KIAA1217: variants seen among roughly 807,000 people sequenced by gnomAD.
KIAA1217 encodes the protein KIAA1217, also known as sickle tail protein homolog.
A neutral mutation model predicts 163.9 loss-of-function variants in KIAA1217; 88 were observed. That is an observed-to-expected ratio of 0.54 (90% confidence interval 0.45 to 0.64). KIAA1217 has a LOEUF of 0.64. Ranked by LOEUF, KIAA1217 falls within the 30% of genes least tolerant of loss-of-function variation. KIAA1217 has a pLI of 0.00. For missense variants in KIAA1217, 2,372 were observed against 2,475.0 expected (o/e 0.96, Z 0.88); for synonymous variants, 903 against 923.1 (o/e 0.98, Z 0.39).
chr10:24,282,282 G>A (rs1236350917), intron 2 of KIAA1217, among the ~76,000 whole-genome samples: 10 of 151,932 alleles, frequency 6.6e-5, no homozygotes, highest in Admixed American at 6.6e-4. Context: ...ACGAGGCTGA[G>A]GAGTCTTTTT....
chr10:23,727,399 A>C (rs1030672229), intron 1 of KIAA1217, among the ~76,000 whole-genome samples: 1 of 152,006 alleles, frequency 6.6e-6, no homozygotes, highest in Non-Finnish European at 1.5e-5. Flanking sequence ...GTCTCTACTA[A>C]AAATACAAAA....
intron 2 of KIAA1217, among the ~76,000 whole-genome samples, chr10:24,008,288 C>A (rs145258584): frequency 6.6e-6 from 1 of 152,080 alleles, no homozygotes; most frequent in African/African-American, 2.4e-5. Flanking sequence ...TCAGCCACAT[C>A]ACAGAGGGAT....
intron 3 of KIAA1217, among the ~76,000 whole-genome samples, chr10:24,389,011 T>A (rs549943699): frequency 2.0e-5 from 3 of 152,114 alleles, no homozygotes; most frequent in Non-Finnish European, 2.9e-5. Context: ...TCCTCAAGGA[T>A]CTAGAACTAG....
intron 1 of KIAA1217, among the ~76,000 whole-genome samples, chr10:23,830,462 C>A (rs1838126411): frequency 6.6e-6 from 1 of 152,074 alleles, no homozygotes; most frequent in African/African-American, 2.4e-5. Flanking sequence ...TTGGCCGTTG[C>A]TGTGATAAAC....
intron 1 of KIAA1217, among the ~76,000 whole-genome samples, chr10:24,217,566 C>T (rs1479562814): frequency 1.3e-5 from 2 of 152,218 alleles, no homozygotes; most frequent in Non-Finnish European, 1.5e-5. Context: ...AATATTTTCT[C>T]TGCCCAACCA....
intron 1 of KIAA1217, among the ~76,000 whole-genome samples, chr10:23,752,491 GA>G (rs1295090032): frequency 6.6e-6 from 1 of 152,142 alleles, no homozygotes; most frequent in Non-Finnish European, 1.5e-5. Flanking sequence ...AATTGTTTCT[GA>G]AAATTTGACT....
At chr10:24,071,845 G>A (rs1283209507) in intron 2 of KIAA1217, among the ~76,000 whole-genome samples, 2 of 151,938 alleles carry the variant, frequency 1.3e-5, no homozygotes, top group African/African-American at 4.8e-5. Context: ...ATAACACAGA[G>A]GGACAGATAG....
At chr10:23,716,551 G>A (rs1837582241) in intron 1 of KIAA1217, among the ~76,000 whole-genome samples, 1 of 152,120 alleles carries the variant, frequency 6.6e-6, no homozygotes, top group African/African-American at 2.4e-5. Context: ...AAATTAAAGT[G>A]ATTGGATCTT....
intron 2 of KIAA1217, chr10:24,368,934 T>G: frequency 4.9e-6 from 4 of 811,340 alleles, no homozygotes; most frequent in Non-Finnish European, 5.9e-6. Flanking sequence ...CTTTATCAAG[T>G]AGATATTCTG....
intron 1 of KIAA1217, among the ~76,000 whole-genome samples, chr10:23,883,451 C>T (rs181228182): frequency 3.8e-4 from 57 of 151,980 alleles, no homozygotes; most frequent in African/African-American, 1.1e-3. Flanking sequence ...TGTCAGTACA[C>T]GTTTTTTCAA....
chr10:24,113,211 G>A (rs2062925467), intron 2 of KIAA1217, among the ~76,000 whole-genome samples: 1 of 152,164 alleles, frequency 6.6e-6, no homozygotes, highest in Non-Finnish European at 1.5e-5. Flanking sequence ...AATGGAGACT[G>A]TAGACATCTA....
intron 2 of KIAA1217, among the ~76,000 whole-genome samples, chr10:24,291,083 T>C (rs1239887266): frequency 6.6e-6 from 1 of 152,198 alleles, no homozygotes; most frequent in Admixed American, 6.5e-5. Context: ...ACAGTGGTTG[T>C]TGACATAGAC....
At chr10:24,287,842 A>G (rs945538948) in intron 2 of KIAA1217, among the ~76,000 whole-genome samples, 1 of 152,190 alleles carries the variant, frequency 6.6e-6, no homozygotes, top group African/African-American at 2.4e-5. Flanking sequence ...CCATAACTCG[A>G]TTCATCAAAC....
chr10:24,197,488 T>G (rs1487332307), intron 2 of KIAA1217, among the ~76,000 whole-genome samples: 10 of 152,248 alleles, frequency 6.6e-5, no homozygotes, highest in Non-Finnish European at 2.9e-5. Context: ...TTGGGCCTAT[T>G]TGTGGTAGCA....
intron 1 of KIAA1217, among the ~76,000 whole-genome samples, chr10:23,930,120 G>T (rs1426707436): frequency 6.6e-6 from 1 of 151,584 alleles, no homozygotes; most frequent in Non-Finnish European, 1.5e-5. Flanking sequence ...GTTTTAATTT[G>T]CATTGTTCTG....
At chr10:24,110,927 G>A (rs541463046) in intron 2 of KIAA1217, among the ~76,000 whole-genome samples, 3 of 152,122 alleles carry the variant, frequency 2.0e-5, no homozygotes, top group South Asian at 2.1e-4. Context: ...TTTCAGTTAC[G>A]ACATATTTTT....
chr10:24,383,298 G>A (rs963676388), intron 3 of KIAA1217, among the ~76,000 whole-genome samples: 3 of 152,120 alleles, frequency 2.0e-5, no homozygotes, highest in African/African-American at 7.2e-5. Context: ...ATGCCTGTCC[G>A]CCTTCCCCCA....
At chr10:24,252,445 T>G (rs1460703964) in intron 2 of KIAA1217, among the ~76,000 whole-genome samples, 4 of 152,060 alleles carry the variant, frequency 2.6e-5, no homozygotes, top group Non-Finnish European at 5.9e-5. Context: ...CCAGGCATGC[T>G]GGCACACACC....
At position 24,219,734 on chromosome 10, in the gene KIAA1217, C is replaced by T. The variant is rs1460873821; in HGVS notation, c.179C>T (p.Ser60Phe). 6.2e-7 allele frequency: 1 copy of T among 1,613,978 alleles called. No homozygotes were observed. Among genetic ancestry groups the T allele is most frequent in the Non-Finnish European group, 8.5e-7 (1 of 1,179,928 alleles). Residue 60 changes from serine (S) to phenylalanine (F), a missense_variant, in exon 2 of 21, where the codon TCC (serine) becomes TTC (phenylalanine). This residue lies in a region of KIAA1217 where 1,431 missense variants were observed against 1,470.3 expected (regional missense o/e 0.97). Transcript: ENST00000376454. Reference sequence around the variant, plus strand: ...AGTCGTGGTTCAGTTTCCAAGTCTTCCCGCAATATCCCAAGGAGACACACC... The same window carrying T: ...AGTCGTGGTTCAGTTTCCAAGTCTTTCCGCAATATCCCAAGGAGACACACC... ...GNSRGSVSKS[S>F]RNIPRRHTLG... is the part of the protein sequence containing the mutation.
Sources: gnomAD v4.1 joint callset for allele counts (sites outside exome capture counted in the v4.1 genomes callset) on GRCh38, gnomAD v4.1.1 for gene constraint, gnomAD v4.1.1 regional missense constraint, MANE v1.5 for transcripts, NCBI Gene and HGNC (gene_info 2026-07-23, HGNC 2026-07-21) for gene names.